PIAS1: variants seen among roughly 807,000 people sequenced by gnomAD.
The protein encoded by PIAS1 is E3 SUMO-protein ligase PIAS1.
In PIAS1, 6 loss-of-function variants were observed where a neutral mutation model predicts 71.3. The observed-to-expected ratio is 0.08, with a 90% CI of 0.05 to 0.17. PIAS1 has a LOEUF of 0.17. Among genes scored for constraint, PIAS1 ranks in the 10% least tolerant of loss-of-function variants. The pLI is 1.00. For missense variants in PIAS1, 555 were observed against 793.6 expected (o/e 0.70, Z 3.61); for synonymous variants, 303 against 292.9 (o/e 1.03, Z -0.35).
chr15:68,110,393 C>T (rs565735100), intron 2 of PIAS1, among the ~76,000 whole-genome samples: 2 of 152,100 alleles, frequency 1.3e-5, no homozygotes, highest in South Asian at 2.1e-4. Flanking sequence ...GTCAGGAGTT[C>T]GAGACCAGCC....
intron 5 of PIAS1, 23 bp downstream of exon 5, chr15:68,145,929 T>A (rs1316175838): frequency 1.5e-6 from 2 of 1,315,784 alleles, no homozygotes; most frequent in Admixed American, 1.7e-5. Context: ...AGCTGTTTTT[T>A]AAAATTCATT....
chr15:68,122,372 T>C (rs1042550214), intron 2 of PIAS1, among the ~76,000 whole-genome samples: 1 of 152,162 alleles, frequency 6.6e-6, no homozygotes, highest in African/African-American at 2.4e-5. Context: ...ACTATAGTTC[T>C]CAAGGGAGTT....
chr15:68,167,854 C>T lies in PIAS1; in HGVS notation c.1008+3050C>T, dbSNP rs772528337. Among the ~76,000 whole-genome samples the T allele has an allele frequency of 2.7e-4, 41 of 151,792 alleles. No homozygotes were observed. The highest frequency in any genetic ancestry group is 4.3e-4 in the Non-Finnish European group (29 of 67,952). ...CCAAGTAGCTAGAACTACAGGTGCA[C>T]GCCACCACGCCTGGCTAATTTTTTG... On this transcript the variant is annotated intron_variant, in intron 8 of 13. Transcript: ENST00000249636. The surrounding 1 kb of genome is among the most constrained non-coding windows in gnomAD (Gnocchi z 4.4).
intron 2 of PIAS1, among the ~76,000 whole-genome samples, chr15:68,103,679 G>A (rs2092447057): frequency 1.3e-5 from 2 of 151,980 alleles, no homozygotes; most frequent in African/African-American, 4.8e-5. Flanking sequence ...TTCCTGTTTT[G>A]GACATCTCAT....
At chr15:68,117,706 A>C (rs1281514598) in intron 2 of PIAS1, among the ~76,000 whole-genome samples, 1 of 152,202 alleles carries the variant, frequency 6.6e-6, no homozygotes, top group Admixed American at 6.5e-5. Context: ...TTTGTGGCTG[A>C]ATAGTATTCT....
intron 7 of PIAS1, among the ~76,000 whole-genome samples, chr15:68,154,558 A>G (rs2092874237): frequency 6.6e-6 from 1 of 152,216 alleles, no homozygotes; most frequent in African/African-American, 2.4e-5. Flanking sequence ...CTAAGATAAT[A>G]GCAGCTTTCC....
chr15:68,150,325 G>A (rs1186916942), intron 6 of PIAS1, among the ~76,000 whole-genome samples: 1 of 151,814 alleles, frequency 6.6e-6, no homozygotes, highest in Non-Finnish European at 1.5e-5. Flanking sequence ...AGAGGAGGGG[G>A]GAAATACTCT....
chr15:68,106,066 G>A (rs2092465740), intron 2 of PIAS1, among the ~76,000 whole-genome samples: 2 of 152,066 alleles, frequency 1.3e-5, no homozygotes, highest in South Asian at 4.1e-4. Flanking sequence ...TACTTTTGCT[G>A]TATACCAAGC....
chr15:68,167,094 T>A lies in PIAS1; in HGVS notation c.1008+2290T>A, dbSNP rs2092962307. Among the ~76,000 whole-genome samples, 1 of 152,216 alleles carries A rather than the reference T, an allele frequency of 6.6e-6. No homozygotes were observed. The highest frequency in any genetic ancestry group is 2.1e-4 in the South Asian group (1 of 4,836). On this transcript the variant is annotated intron_variant, in intron 8 of 13. Coordinates refer to ENST00000249636, the MANE Select transcript of PIAS1 (RefSeq NM_016166.3). The surrounding 1 kb of genome is among the most constrained non-coding windows in gnomAD (Gnocchi z 4.4). ...CTCCTGCCTTGGCCTCCCTTGGGAT[T>A]ACAGGCGTGAGCCACCACACCTGGC...
chr15:68,158,492 A>AG (rs1262281973), intron 7 of PIAS1, among the ~76,000 whole-genome samples: 1 of 152,124 alleles, frequency 6.6e-6, no homozygotes, highest in Non-Finnish European at 1.5e-5. Context: ...ACTCCATCAG[A>AG]GTGCATTAGA....
chr15:68,097,131 A>C (rs908773077), intron 2 of PIAS1, among the ~76,000 whole-genome samples: 2 of 152,148 alleles, frequency 1.3e-5, no homozygotes, highest in East Asian at 1.9e-4. Flanking sequence ...AAACTTGTCA[A>C]ATGTCTTTTC....
intron 1 of PIAS1, chr15:68,055,084 C>T (rs1374758403): frequency 2.0e-5 from 8 of 393,690 alleles, no homozygotes; most frequent in Non-Finnish European, 2.8e-5. Context: ...GGAGAAACCC[C>T]CTCGAAGAGT....
At chr15:68,142,843 C>T (rs1190013985) in intron 4 of PIAS1, among the ~76,000 whole-genome samples, 2 of 152,042 alleles carry the variant, frequency 1.3e-5, no homozygotes, top group African/African-American at 2.4e-5. Flanking sequence ...GACTAACAAA[C>T]ATCAAAATAT....
At chr15:68,109,918 A>T (rs1471480760) in intron 2 of PIAS1, among the ~76,000 whole-genome samples, 1 of 152,170 alleles carries the variant, frequency 6.6e-6, no homozygotes, top group African/African-American at 2.4e-5. Context: ...GCTGCATGGG[A>T]TGTTAGTAGG....
chr15:68,185,027 A>G lies in PIAS1; in HGVS notation c.1662+1360A>G, dbSNP rs1282629493. Reference sequence around the variant, plus strand: ...GGAGAAGTACTGTTGAGAGAGTAACATACTTTTCAAGATGATGATTTTTGT... The same window carrying G: ...GGAGAAGTACTGTTGAGAGAGTAACGTACTTTTCAAGATGATGATTTTTGT... On this transcript the variant is annotated intron_variant, in intron 13 of 13. Coordinates refer to ENST00000249636, the MANE Select transcript of PIAS1 (RefSeq NM_016166.3). This position sits in a 1 kb window ranked among gnomAD's most constrained non-coding sequence, Gnocchi z 4.4. 2.0e-5 allele frequency: 3 copies of G among 153,282 alleles called. No individual in the cohort carries two copies. Among genetic ancestry groups the G allele is most frequent in the East Asian group, 1.9e-4 (1 of 5,190 alleles). The allele number at this position is 153,282 out of a possible 1,614,324, so 9.5% of individuals were successfully genotyped here. A position where few individuals can be genotyped will look rare whatever the true frequency, so the allele number is the denominator to read the frequency against.
In PIAS1 at chr15:68,054,507, G is replaced by A; in HGVS notation, c.24+157G>A. On this transcript the variant is annotated intron_variant, in intron 1 of 13. Transcript: ENST00000249636. This position sits in a 1 kb window ranked among gnomAD's most constrained non-coding sequence, Gnocchi z 4.6. Reference sequence around the variant, plus strand: ...AGGCGCGCCCGGTCTCAGCAGAGGGGGCCCGCCTGCGGCGGGCCGCGGGCC... The same window carrying A: ...AGGCGCGCCCGGTCTCAGCAGAGGGAGCCCGCCTGCGGCGGGCCGCGGGCC... The A allele has an allele frequency of 2.9e-6, 2 of 681,838 alleles. No individual in the cohort carries two copies. The highest frequency in any genetic ancestry group is 4.6e-6 in the Non-Finnish European group (2 of 434,740). The allele number at this position is 681,838 out of a possible 1,614,324, so 42.2% of individuals were successfully genotyped here.
intron 4 of PIAS1, among the ~76,000 whole-genome samples, chr15:68,142,611 T>C (rs575934394): frequency 1.4e-4 from 22 of 152,102 alleles, no homozygotes; most frequent in Non-Finnish European, 2.5e-4. Flanking sequence ...TCATCCAATT[T>C]AGATTTTTCC....
chr15:68,071,288 A>G (rs1232213838), intron 1 of PIAS1, among the ~76,000 whole-genome samples: 1 of 80,866 alleles, frequency 1.2e-5, no homozygotes, highest in African/African-American at 4.7e-5. Flanking sequence ...TTTTTTTTTG[A>G]CAGAGTCTCA....
intron 1 of PIAS1, chr15:68,055,726 G>A (rs2091888738): frequency 2.0e-6 from 1 of 493,824 alleles, no homozygotes; most frequent in Non-Finnish European, 3.6e-6. Context: ...AAATCTTTGG[G>A]GAGAGTCTTC....
Sources: allele counts gnomAD v4.1 joint callset (sites outside exome capture counted in the v4.1 genomes callset), GRCh38; gene constraint gnomAD v4.1.1; non-coding constraint Gnocchi (gnomAD v3.1); transcripts MANE v1.5; gene names NCBI Gene and HGNC (gene_info 2026-07-23, HGNC 2026-07-21).